The following NRG2 variants were observed in gnomAD, a reference collection of about 807,000 sequenced individuals.
NRG2 encodes neuregulin 2, also known as pro-neuregulin-2, membrane-bound isoform.
NRG2 carries 27 observed loss-of-function variants against 73.9 expected under a neutral mutation model. That is an observed-to-expected ratio of 0.37 (90% CI 0.27 to 0.50). The LOEUF is 0.50. Ranked by LOEUF, NRG2 falls within the 20% of genes least tolerant of loss-of-function variation. The pLI is 0.96. For synonymous variants in NRG2, 532 were observed against 541.0 expected (o/e 0.98, Z 0.23); for missense variants, 1,126 against 1,210.1 (o/e 0.93, Z 1.03).
chr5:140,000,405 C>A (rs752879536), intron 1 of NRG2, among the ~76,000 whole-genome samples: 3 of 152,236 alleles, frequency 2.0e-5, no homozygotes, highest in Non-Finnish European at 4.4e-5. Flanking sequence ...GAGGACCAGG[C>A]TTAGCACTCT....
At chr5:139,906,933 C>T (rs1302117451) in intron 1 of NRG2, among the ~76,000 whole-genome samples, 1 of 152,146 alleles carries the variant, frequency 6.6e-6, no homozygotes, top group Non-Finnish European at 1.5e-5. Context: ...ATCCAATATC[C>T]CTGAAGCAAG....
chr5:139,913,467 T>C (rs1751006017), intron 1 of NRG2, among the ~76,000 whole-genome samples: 1 of 152,206 alleles, frequency 6.6e-6, no homozygotes, highest in Non-Finnish European at 1.5e-5. Flanking sequence ...TTATCCACAA[T>C]TTCCCCCTAA....
rs138737633 is a variant in NRG2 at position 140,003,944 on chromosome 5, G to C, written c.700+38426C>G. ...CAACTTCACATCACCTCCCCAATTA[G>C]CTACTTGCCCAAGCCACCATTATCT... On this transcript the variant is annotated intron_variant, in intron 1 of 9. Coordinates refer to ENST00000361474, the MANE Select transcript of NRG2 (RefSeq NM_004883.3). Among the ~76,000 whole-genome samples, 333 of 152,214 alleles carry C rather than the reference G, an allele frequency of 2.2e-3. 1 individual carries two copies. The highest frequency in any genetic ancestry group is 7.7e-3 in the African/African-American group (321 of 41,510).
In NRG2 at chr5:139,852,957, C is replaced by T. The variant is rs1484901278; in HGVS notation, c.1363G>A (p.Ala455Thr). The T allele has an allele frequency of 6.2e-7, 1 of 1,611,704 alleles. No individual in the cohort carries two copies. The highest frequency in any genetic ancestry group is 1.7e-5 in the Admixed American group (1 of 59,088). Residue 455 changes from alanine to threonine, a missense_variant, in exon 7 of 10, where the codon GCC becomes ACC. Coordinates refer to ENST00000361474, the MANE Select transcript of NRG2 (RefSeq NM_004883.3). The surrounding 1 kb of genome is among the most constrained non-coding windows in gnomAD (Gnocchi z 4.4). Reference protein sequence around the residue: ...MCPAHQNRSLANGPSHPRLDP... With the variant: ...MCPAHQNRSLTNGPSHPRLDP... ...AGCCGGGGGTGGCTGGGCCCATTGGCCAAGCTCCGGTTCTGATGGGCCGGG... is the reference window on the plus strand; with the variant it reads ...AGCCGGGGGTGGCTGGGCCCATTGGTCAAGCTCCGGTTCTGATGGGCCGGG...
intron 2 of NRG2, among the ~76,000 whole-genome samples, chr5:139,883,400 G>A (rs546168203): frequency 1.3e-5 from 2 of 150,126 alleles, no homozygotes; most frequent in South Asian, 4.3e-4. Flanking sequence ...CGATTCTGCA[G>A]GGAAGGCCCC....
chr5:139,898,977 C>A (rs550722804), intron 1 of NRG2, among the ~76,000 whole-genome samples: 1 of 152,224 alleles, frequency 6.6e-6, no homozygotes, highest in Non-Finnish European at 1.5e-5. Context: ...TCCTCCTCCA[C>A]GAAGCCTCCT....
chr5:139,860,945 G>A (rs1049381791), intron 5 of NRG2, among the ~76,000 whole-genome samples: 6 of 152,128 alleles, frequency 3.9e-5, no homozygotes, highest in African/African-American at 1.4e-4. Flanking sequence ...CTGAGCTTCT[G>A]AATTGTCCAG....
At chr5:139,910,817 C>G (rs540665144) in intron 1 of NRG2, among the ~76,000 whole-genome samples, 2 of 152,264 alleles carry the variant, frequency 1.3e-5, no homozygotes, top group African/African-American at 4.8e-5. Context: ...GGAGGCTCTT[C>G]TTGCTTCAGC....
At chr5:139,875,356 T>C (rs989302284) in intron 3 of NRG2, among the ~76,000 whole-genome samples, 6 of 152,192 alleles carry the variant, frequency 3.9e-5, no homozygotes, top group Admixed American at 1.3e-4. Flanking sequence ...GAATGTAAGC[T>C]CCATTAGGGC....
At chr5:139,886,062 A>G (rs2127123895) in intron 2 of NRG2, among the ~76,000 whole-genome samples, 1 of 152,254 alleles carries the variant, frequency 6.6e-6, no homozygotes, top group South Asian at 2.1e-4. Context: ...AGGGACATAT[A>G]GAACCCCCCA....
At chr5:139,980,399 T>A (rs1756706052) in intron 1 of NRG2, among the ~76,000 whole-genome samples, 1 of 151,750 alleles carries the variant, frequency 6.6e-6, no homozygotes, top group South Asian at 2.1e-4. Flanking sequence ...CTTCCAAGGC[T>A]GTCCTCAGGA....
intron 1 of NRG2, among the ~76,000 whole-genome samples, chr5:139,908,224 G>A (rs1765365064): frequency 6.6e-6 from 1 of 152,236 alleles, no homozygotes; most frequent in African/African-American, 2.4e-5. Flanking sequence ...AGTAAATAAT[G>A]GGAAGTTGAG....
chr5:139,971,324 C>T (rs1328591656), intron 1 of NRG2, among the ~76,000 whole-genome samples: 3 of 152,170 alleles, frequency 2.0e-5, no homozygotes, highest in Admixed American at 2.0e-4. Flanking sequence ...TCCTGGCATC[C>T]AAACAGCTGG....
At chr5:139,857,494 A>G (rs1325336269) in intron 5 of NRG2, among the ~76,000 whole-genome samples, 1 of 150,094 alleles carries the variant, frequency 6.7e-6, no homozygotes, top group Non-Finnish European at 1.5e-5. Flanking sequence ...TTACCAGTCC[A>G]GGGGGTGAAC....
At chr5:139,934,247 T>C (rs1752685406) in intron 1 of NRG2, among the ~76,000 whole-genome samples, 1 of 152,220 alleles carries the variant, frequency 6.6e-6, no homozygotes. Context: ...ATATATTTTT[T>C]CTTATGTTTA....
At chr5:139,918,115 C>T (rs1448113193) in intron 1 of NRG2, among the ~76,000 whole-genome samples, 1 of 152,158 alleles carries the variant, frequency 6.6e-6, no homozygotes, top group Non-Finnish European at 1.5e-5. Context: ...ATTGTCCCAG[C>T]ACAATTGTGA....
intron 1 of NRG2, among the ~76,000 whole-genome samples, chr5:139,896,464 C>G (rs761959462): frequency 8.5e-5 from 13 of 152,142 alleles, no homozygotes; most frequent in Non-Finnish European, 1.8e-4. Context: ...GCTTAGGCAC[C>G]CTGGGAGCTT....
chr5:139,911,003 G>A (rs1252648944), intron 1 of NRG2, among the ~76,000 whole-genome samples: 1 of 152,044 alleles, frequency 6.6e-6, no homozygotes, highest in Admixed American at 6.5e-5. Context: ...AAGGTGGGGA[G>A]CCTCCCCTGG....
chr5:139,941,782 T>C (rs991133856), intron 1 of NRG2, among the ~76,000 whole-genome samples: 1 of 152,212 alleles, frequency 6.6e-6, no homozygotes, highest in African/African-American at 2.4e-5. Context: ...GCTGGAACTA[T>C]AGTTTGAGCT....
Sources: allele counts gnomAD v4.1 joint callset (sites outside exome capture counted in the v4.1 genomes callset), GRCh38; gene constraint gnomAD v4.1.1; non-coding constraint Gnocchi (gnomAD v3.1); transcripts MANE v1.5; gene names NCBI Gene and HGNC (gene_info 2026-07-23, HGNC 2026-07-21).